Variants in LMX1A observed in about 807,000 individuals in gnomAD.
LMX1A encodes LIM homeobox transcription factor 1-alpha.
LMX1A carries 15 observed loss-of-function variants against 49.1 expected under a neutral mutation model. That is an observed-to-expected ratio of 0.31 (90% CI 0.20 to 0.47). LMX1A has a LOEUF of 0.47. Among genes scored for constraint, LMX1A ranks in the 20% least tolerant of loss-of-function variants. The probability of loss-of-function intolerance (pLI) is 1.00; values close to 1 mark genes in which losing one functional copy is unlikely to be tolerated. For synonymous variants in LMX1A, 167 were observed against 185.7 expected (o/e 0.90, Z 0.82); for missense variants, 372 against 475.8 (o/e 0.78, Z 2.03).
intron 4 of LMX1A, among the ~76,000 whole-genome samples, chr1:165,244,593 A>G (rs1652775352): frequency 6.6e-6 from 1 of 152,188 alleles, no homozygotes; most frequent in South Asian, 2.1e-4. Context: ...CAGAAGTGTC[A>G]TGTGGAGTGG....
At chr1:165,230,775 C>T (rs1172294520) in intron 4 of LMX1A, among the ~76,000 whole-genome samples, 3 of 152,238 alleles carry the variant, frequency 2.0e-5, no homozygotes, top group Non-Finnish European at 2.9e-5. Context: ...CACATGCCTA[C>T]TTAGCAGCCC....
At position 165,313,911 on chromosome 1, in the gene LMX1A, C is replaced by T. The variant is rs180794269; in HGVS notation, c.263+39165G>A. Among the ~76,000 whole-genome samples, 143 of 152,344 alleles carry T rather than the reference C, an allele frequency of 9.4e-4. 1 individual carries two copies. The highest frequency in any genetic ancestry group is 3.1e-3 in the African/African-American group (127 of 41,578). Reference sequence around the variant, plus strand: ...CAGGTAACAACAACAACAAAAACAGCATCACAGGAGGAACCCCTTGGCTGA... The same window carrying T: ...CAGGTAACAACAACAACAAAAACAGTATCACAGGAGGAACCCCTTGGCTGA... On this transcript the variant is annotated intron_variant, in intron 3 of 8. Coordinates refer to ENST00000342310, the MANE Select transcript of LMX1A (RefSeq NM_177398.4).
At chr1:165,342,755 T>A (rs1656115783) in intron 3 of LMX1A, among the ~76,000 whole-genome samples, 3 of 151,988 alleles carry the variant, frequency 2.0e-5, no homozygotes, top group Admixed American at 2.0e-4. Context: ...AGCTCAAGTA[T>A]CTAGCAGGTG....
At chr1:165,301,338 A>G (rs1015137551) in intron 3 of LMX1A, among the ~76,000 whole-genome samples, 7 of 151,250 alleles carry the variant, frequency 4.6e-5, no homozygotes, top group African/African-American at 1.5e-4. Context: ...GGCTTACACC[A>G]AAACTAGCCT....
chr1:165,209,205 G>A (rs959778141), intron 6 of LMX1A, among the ~76,000 whole-genome samples: 3 of 152,208 alleles, frequency 2.0e-5, no homozygotes, highest in Admixed American at 1.3e-4. Context: ...CAACAGCCCT[G>A]TTCTGAGGAT....
chr1:165,216,729 A>T (rs1651657416), intron 4 of LMX1A, among the ~76,000 whole-genome samples: 1 of 152,258 alleles, frequency 6.6e-6, no homozygotes, highest in South Asian at 2.1e-4. Context: ...AACTAATGAA[A>T]ATGTAAAGTC....
At chr1:165,349,792 A>G (rs1213646269) in intron 3 of LMX1A, among the ~76,000 whole-genome samples, 1 of 152,216 alleles carries the variant, frequency 6.6e-6, no homozygotes, top group South Asian at 2.1e-4. Context: ...TAAAGGTGTA[A>G]TAGCTAGTTG....
chr1:165,314,733 C>T (rs746624762), intron 3 of LMX1A, among the ~76,000 whole-genome samples: 1 of 152,098 alleles, frequency 6.6e-6, no homozygotes, highest in Non-Finnish European at 1.5e-5. Flanking sequence ...TTTCTAGGGT[C>T]CAGCATCTCT....
At chr1:165,350,173 C>CAAAAA (rs60150264) in intron 3 of LMX1A, among the ~76,000 whole-genome samples, 129 of 80,162 alleles carry the variant, frequency 1.6e-3, no homozygotes, top group Middle Eastern at 9.4e-3. Flanking sequence ...AAAGATCCAC[C>CAAAAA]AAAAAAAAAA....
At chr1:165,232,584 T>G (rs746350975) in intron 4 of LMX1A, among the ~76,000 whole-genome samples, 1 of 152,130 alleles carries the variant, frequency 6.6e-6, no homozygotes, top group Admixed American at 6.5e-5. Context: ...TCTACAAAGA[T>G]GAGGAGCTTC....
intron 3 of LMX1A, among the ~76,000 whole-genome samples, chr1:165,310,430 T>C (rs1655043266): frequency 6.6e-6 from 1 of 152,208 alleles, no homozygotes; most frequent in South Asian, 2.1e-4. Context: ...TCAGGTATAG[T>C]ATTACAAAGT....
intron 3 of LMX1A, among the ~76,000 whole-genome samples, chr1:165,333,182 T>C (rs1655800291): frequency 2.0e-5 from 3 of 152,368 alleles, no homozygotes; most frequent in South Asian, 4.1e-4. Flanking sequence ...TTGATTTGTT[T>C]TGAGACAGAG....
intron 3 of LMX1A, among the ~76,000 whole-genome samples, chr1:165,312,756 G>A (rs1474929765): frequency 1.3e-5 from 2 of 152,304 alleles, no homozygotes; most frequent in African/African-American, 4.8e-5. Flanking sequence ...CAGCTGGTCC[G>A]CCTGCAGCAG....
chr1:165,256,574 A>G (rs1416513261), intron 3 of LMX1A, among the ~76,000 whole-genome samples: 2 of 152,210 alleles, frequency 1.3e-5, no homozygotes, highest in African/African-American at 2.4e-5. Context: ...TCATTCAAAT[A>G]TATATAAATA....
Position 165,275,122 on chromosome 1 carries a change from CA to C in LMX1A, c.264-25483del, listed in dbSNP as rs1299036914. 5.3e-5 allele frequency among the ~76,000 whole-genome samples: 8 copies of C among 152,110 alleles called. No individual in the cohort carries two copies. In the East Asian group the frequency reaches 1.5e-3, roughly 29 times the overall value. ...ATGATGAAAGGAACCCTATGGTTTC[CA>C]ATAAATGAGGCTTCCCATTGATCAA... On this transcript the variant is annotated intron_variant, in intron 3 of 8. Coordinates refer to ENST00000342310, the MANE Select transcript of LMX1A (RefSeq NM_177398.4).
intron 3 of LMX1A, among the ~76,000 whole-genome samples, chr1:165,343,243 GAC>G (rs1656132408): frequency 1.3e-5 from 2 of 152,174 alleles, no homozygotes; most frequent in Admixed American, 1.3e-4. Context: ...GAACAAGTAA[GAC>G]CCTTGCCCAT....
chr1:165,210,042 GC>G (rs1453809563), intron 6 of LMX1A, among the ~76,000 whole-genome samples: 2 of 152,356 alleles, frequency 1.3e-5, no homozygotes, highest in African/African-American at 4.8e-5. Context: ...TGTCACAGAA[GC>G]ATTCTGCGCT....
intron 4 of LMX1A, among the ~76,000 whole-genome samples, chr1:165,214,344 C>T (rs1651559906): frequency 6.6e-6 from 1 of 152,224 alleles, no homozygotes; most frequent in Admixed American, 6.5e-5. Context: ...GAGGCTTCCC[C>T]AGCCATGCAG....
intron 6 of LMX1A, among the ~76,000 whole-genome samples, chr1:165,208,747 C>T (rs933345692): frequency 3.9e-5 from 6 of 152,250 alleles, no homozygotes; most frequent in South Asian, 2.1e-4. Context: ...CTCGGGTTCA[C>T]GCCATTCTCC....
Sources: allele counts gnomAD v4.1 joint callset (sites outside exome capture counted in the v4.1 genomes callset), GRCh38; gene constraint gnomAD v4.1.1; transcripts MANE v1.5; gene names NCBI Gene and HGNC (gene_info 2026-07-23, HGNC 2026-07-21).